The following ELL2 variants were observed in gnomAD, a reference collection of about 807,000 sequenced individuals.
ELL2 encodes the protein RNA polymerase II elongation factor ELL2.
A neutral mutation model predicts 72.8 loss-of-function variants in ELL2; 21 were observed. The observed-to-expected ratio is 0.29, with a 90% confidence interval of 0.20 to 0.42. The LOEUF (loss-of-function observed/expected upper bound fraction) is 0.42. Among genes scored for constraint, ELL2 ranks in the 10% least tolerant of loss-of-function variants. ELL2 has a pLI of 1.00. For missense variants in ELL2, 568 were observed against 772.8 expected (o/e 0.73, Z 3.14); for synonymous variants, 266 against 283.2 (o/e 0.94, Z 0.61).
Position 95,900,778 on chromosome 5 carries a change from T to G in ELL2, c.869A>C (p.Lys290Thr), listed in dbSNP as rs771625244. 9.3e-6 allele frequency: 15 copies of G among 1,605,966 alleles called. No individual in the cohort carries two copies. The South Asian group carries it at 1.1e-4, about 12-fold the overall frequency. Residue 290 changes from lysine (K) to threonine (T), a missense_variant and splice_region_variant, in exon 7 of 12, where the codon AAA becomes ACA. Physicochemically the swap from Lys to Thr is moderately conservative, Grantham distance 78. This residue lies in a region of ELL2 where 511 missense variants were observed against 728.4 expected (regional missense o/e 0.70). Coordinates refer to ENST00000237853, the MANE Select transcript of ELL2 (RefSeq NM_012081.6). ...TGCAGCATTCTGAGACGGATTTAGT[T>G]TTCTGTAAAGGACACACATGTTATG... ...RRSLESVLSR[K>T]LNPSQNAAGT...
At chr5:95,908,304 C>G (rs1163505802) in intron 4 of ELL2, among the ~76,000 whole-genome samples, 1 of 152,188 alleles carries the variant, frequency 6.6e-6, no homozygotes, top group Non-Finnish European at 1.5e-5. Flanking sequence ...TCCCCTTTCA[C>G]AGATGAGAAA....
At chr5:95,893,670 C>T (rs956640452) in intron 9 of ELL2, among the ~76,000 whole-genome samples, 2 of 152,232 alleles carry the variant, frequency 1.3e-5, no homozygotes, top group African/African-American at 2.4e-5. Flanking sequence ...CAGGCGTGAG[C>T]CACCGCGCCC....
chr5:95,912,376 T>A (rs768579896), intron 4 of ELL2, among the ~76,000 whole-genome samples: 2 of 152,210 alleles, frequency 1.3e-5, no homozygotes, highest in Non-Finnish European at 2.9e-5. Flanking sequence ...TATTCCTTTG[T>A]CAAACACAAC....
rs1396959763 is a variant in ELL2 at position 95,927,434 on chromosome 5, CGT to C, written c.196-7891_196-7890del. 3.5e-4 allele frequency among the ~76,000 whole-genome samples: 17 copies of C among 47,924 alleles called. 4 individuals carry two copies. Among genetic ancestry groups the C allele is most frequent in the South Asian group, 2.3e-3 (2 of 888 alleles). The allele number at this position is 47,924 out of a possible 152,430, so 31.4% of individuals were successfully genotyped here. On this transcript the variant is annotated intron_variant, in intron 2 of 11. Transcript: ENST00000237853. ...GTGTGTATATAGACATACACACACA[CGT>C]GTGTATATAGACATACACACACACG...
intron 9 of ELL2, among the ~76,000 whole-genome samples, chr5:95,892,837 A>G (rs1355292919): frequency 6.6e-6 from 1 of 152,106 alleles, no homozygotes; most frequent in Non-Finnish European, 1.5e-5. Flanking sequence ...TTAATTTTCT[A>G]AGTATAATTG....
intron 7 of ELL2, among the ~76,000 whole-genome samples, chr5:95,899,657 T>G (rs1466309599): frequency 6.6e-6 from 1 of 152,244 alleles, no homozygotes; most frequent in African/African-American, 2.4e-5. Context: ...TATGCTTAAA[T>G]GTAATGCTGT....
intron 1 of ELL2, among the ~76,000 whole-genome samples, chr5:95,958,627 G>T (rs1406772543): frequency 6.6e-6 from 1 of 152,196 alleles, no homozygotes; most frequent in African/African-American, 2.4e-5. Flanking sequence ...CCTGATAGGA[G>T]CTGGTTAAGG....
intron 8 of ELL2, among the ~76,000 whole-genome samples, chr5:95,896,186 A>C (rs1748869510): frequency 6.6e-6 from 1 of 152,202 alleles, no homozygotes; most frequent in African/African-American, 2.4e-5. Context: ...TTTGGTAGAA[A>C]GTTTTCCCAT....
intron 2 of ELL2, among the ~76,000 whole-genome samples, chr5:95,937,328 G>C (rs1223650528): frequency 6.6e-6 from 1 of 152,184 alleles, no homozygotes; most frequent in Non-Finnish European, 1.5e-5. Flanking sequence ...TCAAGGGCAA[G>C]GGGTGGCCTA....
chr5:95,902,269 A>G (rs552915832), intron 5 of ELL2, among the ~76,000 whole-genome samples: 43 of 152,296 alleles, frequency 2.8e-4, no homozygotes, highest in Middle Eastern at 3.4e-3. Flanking sequence ...CTTGCTCCTT[A>G]TATCTGCCAG....
chr5:95,922,948 T>C (rs1750146317), intron 2 of ELL2, among the ~76,000 whole-genome samples: 1 of 152,250 alleles, frequency 6.6e-6, no homozygotes, highest in East Asian at 1.9e-4. Context: ...GAGGGTGCTA[T>C]TGGCATGTAG....
chr5:95,909,438 C>G (rs188257890), intron 4 of ELL2, among the ~76,000 whole-genome samples: 1 of 151,944 alleles, frequency 6.6e-6, no homozygotes, highest in African/African-American at 2.4e-5. Context: ...TGTGCCTATT[C>G]GACAAGGAAG....
rs748817419 is a variant in ELL2, at chr5:95,907,277, G to GAT, written c.482-497_482-496dup. On this transcript the variant is annotated intron_variant, in intron 4 of 11. Coordinates refer to ENST00000237853, the MANE Select transcript of ELL2 (RefSeq NM_012081.6). ...TCAACATCATGAGGCATCCGTTAGT[G>GAT]ATATATATATATATATATATTTTTT... Among the ~76,000 whole-genome samples the GAT allele has an allele frequency of 5.0e-3, 599 of 119,850 alleles. 10 individuals are homozygous for GAT. The highest frequency in any genetic ancestry group is 0.015 in the Middle Eastern group (3 of 206). The allele number at this position is 119,850 out of a possible 152,430, so 78.6% of individuals were successfully genotyped here. A position where few individuals can be genotyped will look rare whatever the true frequency, so the allele number is the denominator to read the frequency against.
At chr5:95,954,776 C>T (rs1485516480) in intron 1 of ELL2, among the ~76,000 whole-genome samples, 3 of 151,734 alleles carry the variant, frequency 2.0e-5, no homozygotes, top group Non-Finnish European at 4.4e-5. Context: ...TATTCATCTC[C>T]TACCTCTCCC....
rs369191505 is a variant in ELL2, at chr5:95,935,952, T to C, written c.195+7050A>G. On this transcript the variant is annotated intron_variant, in intron 2 of 11. Coordinates refer to ENST00000237853, the MANE Select transcript of ELL2 (RefSeq NM_012081.6). ...TCCCTGGCTAAAATTTTTTAAATAG[T>C]TGATAATCTCCTACCATGTTTGGTA... is the stretch of plus-strand genomic sequence containing the variant. 4.5e-4 allele frequency among the ~76,000 whole-genome samples: 68 copies of C among 152,336 alleles called. 1 individual carries two copies. The highest frequency in any genetic ancestry group is 3.4e-3 in the Middle Eastern group (1 of 294).
chr5:95,898,091 G>GAAA (rs61457748), intron 8 of ELL2, 149 bp downstream of exon 8: 379 of 440,472 alleles, frequency 8.6e-4, no homozygotes, highest in Non-Finnish European at 1.0e-3. Context: ...GCTGTAAAAT[G>GAAA]AAAAAAAAAA....
In ELL2 at chr5:95,900,711, G is replaced by A. The variant is rs17085249; in HGVS notation, c.936C>T (p.Asp312=). Residue 312 remains aspartate (D), a synonymous_variant, in exon 7 of 12, where the codon GAC becomes GAT. Transcript: ENST00000237853. ...RSESPVCSSR[D]AVSSPQKRLL... ...GACATACCTGAGGAGAAGATACAGCGTCTCTACTAGAACATACAGGAGATT... is the reference window on the plus strand; with the variant it reads ...GACATACCTGAGGAGAAGATACAGCATCTCTACTAGAACATACAGGAGATT... 421,851 of 1,578,646 alleles carry A rather than the reference G, an allele frequency of 0.27. 58,797 individuals are homozygous for A. The highest frequency in any genetic ancestry group is 0.36 in the East Asian group (15,948 of 44,580).
chr5:95,934,898 A>T (rs1023916411), intron 2 of ELL2, among the ~76,000 whole-genome samples: 5 of 152,148 alleles, frequency 3.3e-5, no homozygotes, highest in Non-Finnish European at 7.4e-5. Context: ...GGTTTTTCTT[A>T]TTTAACCCAT....
intron 8 of ELL2, 84 bp from the exon 9 acceptor site, chr5:95,895,775 AT>A: frequency 9.6e-7 from 1 of 1,043,958 alleles, no homozygotes; most frequent in South Asian, 1.3e-5. Flanking sequence ...GATTAGAAAC[AT>A]CTGGAACACT....
Sources: gnomAD v4.1 joint callset for allele counts (sites outside exome capture counted in the v4.1 genomes callset) on GRCh38, gnomAD v4.1.1 for gene constraint, gnomAD v4.1.1 regional missense constraint, MANE v1.5 for transcripts, NCBI Gene and HGNC (gene_info 2026-07-23, HGNC 2026-07-21) for gene names.